The following WWOX variants were observed in gnomAD, a reference collection of about 807,000 sequenced individuals.
The protein encoded by WWOX is WW domain-containing oxidoreductase.
A neutral mutation model predicts 46.2 loss-of-function variants in WWOX; 69 were observed. The ratio of observed to expected loss-of-function variants is 1.49; its 90% CI spans 1.23 to 1.82. The LOEUF is 1.82. Ranked by LOEUF, WWOX falls within the 40% of genes most tolerant of loss-of-function variation. The pLI, the probability that WWOX is intolerant of heterozygous loss-of-function variation, is 0.00. For missense variants in WWOX, 919 were observed against 542.6 expected (o/e 1.69, Z -6.89); for synonymous variants, 359 against 202.6 (o/e 1.77, Z -6.56).
intron 8 of WWOX, among the ~76,000 whole-genome samples, chr16:78,578,596 A>G (rs989449047): frequency 1.6e-4 from 25 of 151,948 alleles, no homozygotes; most frequent in African/African-American, 5.3e-4. Context: ...CGAAAATTAT[A>G]TATTATACAC....
At chr16:78,649,386 C>T (rs1445909638) in intron 8 of WWOX, among the ~76,000 whole-genome samples, 2 of 152,208 alleles carry the variant, frequency 1.3e-5, no homozygotes, top group Non-Finnish European at 2.9e-5. Context: ...CGGGCTCAAG[C>T]GATCTTCCCA....
chr16:78,698,577 ATAT>A (rs1312390702), intron 8 of WWOX, among the ~76,000 whole-genome samples: 1 of 152,230 alleles, frequency 6.6e-6, no homozygotes, highest in Non-Finnish European at 1.5e-5. Context: ...GACCTTAAAA[ATAT>A]TATGCTACAT....
chr16:78,116,443 A>T (rs572430140), intron 4 of WWOX, among the ~76,000 whole-genome samples: 1 of 152,194 alleles, frequency 6.6e-6, no homozygotes, highest in Non-Finnish European at 1.5e-5. Flanking sequence ...GAATTTTTTT[A>T]CTGTACTTGC....
At chr16:78,654,123 G>C (rs369500067) in intron 8 of WWOX, among the ~76,000 whole-genome samples, 3 of 152,158 alleles carry the variant, frequency 2.0e-5, no homozygotes, top group Non-Finnish European at 2.9e-5. Flanking sequence ...CAAAGGCCAG[G>C]GTCTGGACTC....
At chr16:78,452,475 CTTTT>C (rs397945707) in intron 8 of WWOX, among the ~76,000 whole-genome samples, 10 of 126,066 alleles carry the variant, frequency 7.9e-5, no homozygotes, top group African/African-American at 1.9e-4. Flanking sequence ...CTCTCTCTCT[CTTTT>C]TTTTTTTTTT....
At chr16:79,036,194 G>A (rs150199132) in intron 8 of WWOX, among the ~76,000 whole-genome samples, 1 of 152,274 alleles carries the variant, frequency 6.6e-6, no homozygotes, top group African/African-American at 2.4e-5. Context: ...TCTTCAAGTA[G>A]CGTCTCAAAC....
chr16:78,373,881 G>C (rs1597121558), intron 5 of WWOX, among the ~76,000 whole-genome samples: 1 of 152,202 alleles, frequency 6.6e-6, no homozygotes, highest in East Asian at 1.9e-4. Flanking sequence ...TCTGCCTCCT[G>C]AGTTCAAGCA....
rs373429395 is a variant in WWOX at position 78,117,820 on chromosome 16, T to G, written c.409+2666T>G. On this transcript the variant is annotated intron_variant, in intron 4 of 8. Coordinates refer to ENST00000566780, the MANE Select transcript of WWOX (RefSeq NM_016373.4). Reference sequence around the variant, plus strand: ...AGCTTTAATGGTGTTGGTGTTCCCTTTCCTTTGGCCACTCAAGGGAGCCTG... The same window carrying G: ...AGCTTTAATGGTGTTGGTGTTCCCTGTCCTTTGGCCACTCAAGGGAGCCTG... Among the ~76,000 whole-genome samples the G allele has an allele frequency of 3.9e-5, 6 of 152,286 alleles. No homozygotes were observed. The East Asian group carries it at 7.7e-4, about 20-fold the overall frequency.
At position 78,099,720 on chromosome 16, in the gene WWOX, C is replaced by T; in HGVS notation, c.-59C>T. On this transcript the variant is annotated 5_prime_UTR_variant, in exon 1 of 9. Coordinates refer to ENST00000566780, the MANE Select transcript of WWOX (RefSeq NM_016373.4). Reference sequence around the variant, plus strand: ...GTCTCGTTTGGAGCGGGAGTGAGTTCCTGAGCGAGTGGACCCGGCAGCGGG... The same window carrying T: ...GTCTCGTTTGGAGCGGGAGTGAGTTTCTGAGCGAGTGGACCCGGCAGCGGG... 1 of 1,501,386 alleles carries T rather than the reference C, an allele frequency of 6.7e-7. No homozygotes were observed. The highest frequency in any genetic ancestry group is 8.9e-7 in the Non-Finnish European group (1 of 1,125,590). The allele number at this position is 1,501,386 out of a possible 1,614,324, so 93.0% of individuals were successfully genotyped here. A position where few individuals can be genotyped will look rare whatever the true frequency, so the allele number is the denominator to read the frequency against.
At chr16:79,061,952 G>A (rs1332858005) in intron 8 of WWOX, among the ~76,000 whole-genome samples, 3 of 152,156 alleles carry the variant, frequency 2.0e-5, no homozygotes, top group Non-Finnish European at 4.4e-5. Context: ...GACTTCAGAC[G>A]CTAGCCTCCC....
At chr16:79,062,625 AT>A (rs2048375579) in intron 8 of WWOX, among the ~76,000 whole-genome samples, 1 of 151,920 alleles carries the variant, frequency 6.6e-6, no homozygotes, top group Admixed American at 6.5e-5. Flanking sequence ...GAATGTTTAC[AT>A]TTAAAAAAAA....
At chr16:79,062,895 G>GA (rs911652340) in intron 8 of WWOX, among the ~76,000 whole-genome samples, 1 of 152,026 alleles carries the variant, frequency 6.6e-6, no homozygotes, top group East Asian at 1.9e-4. Context: ...CTCAATCCAG[G>GA]AAAAAAAATA....
chr16:78,792,662 A>G (rs942735192), intron 8 of WWOX, among the ~76,000 whole-genome samples: 2 of 152,194 alleles, frequency 1.3e-5, no homozygotes, highest in African/African-American at 2.4e-5. Flanking sequence ...GAGGAAGGAT[A>G]CCTTTGGGGC....
intron 8 of WWOX, among the ~76,000 whole-genome samples, chr16:79,059,845 T>G (rs1009470999): frequency 3.3e-5 from 5 of 152,234 alleles, no homozygotes; most frequent in African/African-American, 1.2e-4. Flanking sequence ...AAAAGTAATT[T>G]GGACTGGTTC....
At chr16:78,712,410 G>A (rs1234655699) in intron 8 of WWOX, among the ~76,000 whole-genome samples, 1 of 151,998 alleles carries the variant, frequency 6.6e-6, no homozygotes, top group Non-Finnish European at 1.5e-5. Context: ...GCTGAGGCGG[G>A]AGAATCGCTT....
At chr16:78,479,814 T>C (rs2084444221) in intron 8 of WWOX, among the ~76,000 whole-genome samples, 1 of 152,130 alleles carries the variant, frequency 6.6e-6, no homozygotes, top group Non-Finnish European at 1.5e-5. Flanking sequence ...ACCCAAACTA[T>C]GAATGAAAGC....
chr16:78,436,358 G>A (rs1303568980), intron 8 of WWOX, among the ~76,000 whole-genome samples: 1 of 152,170 alleles, frequency 6.6e-6, no homozygotes, highest in Non-Finnish European at 1.5e-5. Flanking sequence ...CAACCTGCAC[G>A]TCTCATTTGT....
intron 8 of WWOX, among the ~76,000 whole-genome samples, chr16:78,736,483 G>C (rs2049094533): frequency 6.6e-6 from 1 of 152,170 alleles, no homozygotes; most frequent in Non-Finnish European, 1.5e-5. Flanking sequence ...CACCGTTGGT[G>C]TCTCAAAGTC....
intron 8 of WWOX, among the ~76,000 whole-genome samples, chr16:78,623,919 A>C (rs1410058163): frequency 6.6e-6 from 1 of 152,176 alleles, no homozygotes; most frequent in Non-Finnish European, 1.5e-5. Context: ...AGCTCATGTG[A>C]CCAGAATGTG....
Sources: allele counts gnomAD v4.1 joint callset (sites outside exome capture counted in the v4.1 genomes callset), GRCh38; gene constraint gnomAD v4.1.1; transcripts MANE v1.5; gene names NCBI Gene and HGNC (gene_info 2026-07-23, HGNC 2026-07-21).